SMIM13: variants seen among roughly 807,000 people sequenced by gnomAD.
The protein encoded by SMIM13 is UPF0766 protein C6orf228.
In SMIM13, 3 loss-of-function variants were observed where a neutral mutation model predicts 5.9. The observed-to-expected ratio is 0.51, with a 90% confidence interval of 0.23 to 1.31. The LOEUF is 1.31. Ranked by LOEUF, SMIM13 falls within the 40% of genes most tolerant of loss-of-function variation. The probability of loss-of-function intolerance (pLI) is 0.18; values close to 1 mark genes in which losing one functional copy is unlikely to be tolerated. For synonymous variants in SMIM13, 55 were observed against 46.0 expected (o/e 1.19, Z -0.79); for missense variants, 85 against 109.9 (o/e 0.77, Z 1.01).
chr6:11,113,419 C>T (rs752532110), intron 1 of SMIM13, among the ~76,000 whole-genome samples: 12 of 152,266 alleles, frequency 7.9e-5, no homozygotes, highest in East Asian at 1.9e-4. Flanking sequence ...TTTCTACCTT[C>T]TGTGTAAATC....
At chr6:11,097,736 T>C (rs1167397545) in intron 1 of SMIM13, among the ~76,000 whole-genome samples, 1 of 151,896 alleles carries the variant, frequency 6.6e-6, no homozygotes, top group African/African-American at 2.4e-5. Flanking sequence ...TTTCAACATA[T>C]GAATTTGGAT....
At chr6:11,123,412 C>G (rs1758336305) in intron 1 of SMIM13, among the ~76,000 whole-genome samples, 1 of 152,150 alleles carries the variant, frequency 6.6e-6, no homozygotes, top group Non-Finnish European at 1.5e-5. Context: ...AATTTTCTAA[C>G]TTGAACTAAA....
At chr6:11,127,313 T>C (rs1022037846) in intron 1 of SMIM13, among the ~76,000 whole-genome samples, 2 of 152,196 alleles carry the variant, frequency 1.3e-5, no homozygotes, top group Non-Finnish European at 2.9e-5. Context: ...CTACTGCAGC[T>C]AAGCTGGCAC....
chr6:11,101,070 G>A (rs2113639387), intron 1 of SMIM13, among the ~76,000 whole-genome samples: 1 of 145,968 alleles, frequency 6.9e-6, no homozygotes, highest in South Asian at 2.2e-4. Context: ...GAAACTTCTG[G>A]TAGTTGTATG....
intron 1 of SMIM13, among the ~76,000 whole-genome samples, chr6:11,121,181 A>G (rs1299337085): frequency 2.0e-5 from 3 of 152,206 alleles, no homozygotes; most frequent in East Asian, 1.9e-4. Flanking sequence ...AAAAACTGCA[A>G]AACCCATCTT....
chr6:11,095,552 G>A (rs1250643504), intron 1 of SMIM13, among the ~76,000 whole-genome samples: 1 of 152,074 alleles, frequency 6.6e-6, no homozygotes, highest in African/African-American at 2.4e-5. Flanking sequence ...GGGTTTAACC[G>A]TGTTGGTCAG....
In SMIM13 at chr6:11,135,431, A is replaced by T. The variant is rs1033333436; in HGVS notation, c.*829A>T. The T allele has an allele frequency of 2.0e-5, 3 of 152,610 alleles. No homozygotes were observed. The highest frequency in any genetic ancestry group is 2.9e-5 in the Non-Finnish European group (2 of 68,046). 9.5% of individuals were successfully genotyped at this position (152,610 alleles called of 1,614,324 possible). Reference sequence around the variant, plus strand: ...GAAGTTGCCAAAACCCTAGGAATTGATGAAACAAAATTCAAAGCCACAAGA... The same window carrying T: ...GAAGTTGCCAAAACCCTAGGAATTGTTGAAACAAAATTCAAAGCCACAAGA... On this transcript the variant is annotated 3_prime_UTR_variant, in exon 2 of 2. Coordinates refer to ENST00000416247, the MANE Select transcript of SMIM13 (RefSeq NM_001135575.2).
chr6:11,135,219 A>G lies in SMIM13; in HGVS notation c.*617A>G, dbSNP rs1758503911. The G allele has an allele frequency of 6.6e-6, 1 of 152,630 alleles. No homozygotes were observed. Among genetic ancestry groups the G allele is most frequent in the South Asian group, 2.1e-4 (1 of 4,836 alleles). The allele number at this position is 152,630 out of a possible 1,614,324, so 9.5% of individuals were successfully genotyped here. ...CAGGGCGTACATTTGATATTAGTGA[A>G]GCAAATATTCGTCGCTGGAGAAATG... On this transcript the variant is annotated 3_prime_UTR_variant, in exon 2 of 2. Transcript: ENST00000416247.
At chr6:11,119,891 C>G (rs938547495) in intron 1 of SMIM13, among the ~76,000 whole-genome samples, 2 of 152,260 alleles carry the variant, frequency 1.3e-5, no homozygotes, top group African/African-American at 4.8e-5. Context: ...TAACTTCTAG[C>G]ATTGCCTAGT....
chr6:11,114,268 G>A (rs1041267533), intron 1 of SMIM13, among the ~76,000 whole-genome samples: 20 of 152,052 alleles, frequency 1.3e-4, no homozygotes, highest in Admixed American at 1.3e-4. Flanking sequence ...GCAGTTGAAG[G>A]TAGTTTTACC....
At chr6:11,105,448 G>T in intron 1 of SMIM13, 1 of 646,652 alleles carries the variant, frequency 1.5e-6, no homozygotes, top group Non-Finnish European at 2.7e-6. Context: ...TTACTTTGAG[G>T]TGAAAGGATG....
chr6:11,129,766 T>C (rs928000691), intron 1 of SMIM13, among the ~76,000 whole-genome samples: 5 of 152,204 alleles, frequency 3.3e-5, no homozygotes, highest in Admixed American at 2.6e-4. Context: ...GTGTGATGCC[T>C]CCTAGTTGTT....
At chr6:11,121,427 A>C (rs1032127046) in intron 1 of SMIM13, among the ~76,000 whole-genome samples, 1 of 152,206 alleles carries the variant, frequency 6.6e-6, no homozygotes, top group Non-Finnish European at 1.5e-5. Flanking sequence ...TTTCAGAAGA[A>C]GGCTGCCTGG....
intron 1 of SMIM13, among the ~76,000 whole-genome samples, chr6:11,101,133 T>G (rs1336105983): frequency 6.6e-6 from 1 of 151,590 alleles, no homozygotes; most frequent in African/African-American, 2.4e-5. Flanking sequence ...CCTAATTCCC[T>G]CCTCCCCCTT....
chr6:11,127,422 T>C (rs1308683414), intron 1 of SMIM13, among the ~76,000 whole-genome samples: 1 of 152,228 alleles, frequency 6.6e-6, no homozygotes, highest in Non-Finnish European at 1.5e-5. Context: ...GGGACTACTG[T>C]CTTCCAGCCA....
At chr6:11,116,900 A>G (rs1275721729) in intron 1 of SMIM13, among the ~76,000 whole-genome samples, 2 of 148,728 alleles carry the variant, frequency 1.3e-5, no homozygotes, top group African/African-American at 2.5e-5. Context: ...TTCTTTTTCA[A>G]GTTTCTTATG....
Position 11,094,127 on chromosome 6 carries a change from TCCCACAGTGCCCGCCTTTGCGCCGC to T in SMIM13, c.-181_-157del, listed in dbSNP as rs1289919203. On this transcript the variant is annotated 5_prime_UTR_variant, in exon 1 of 2. Transcript: ENST00000416247. ...GGAAAAGGATCGGGCGGGCGGGCGG[TCCCACAGTGCCCGCCTTTGCGCCGC>T]CCCACCCCCTGGGGGCGCTGCCGAG... The T allele has an allele frequency of 1.3e-5, 2 of 154,034 alleles. No individual in the cohort carries two copies. Among genetic ancestry groups the T allele is most frequent in the Admixed American group, 6.6e-5 (1 of 15,258 alleles). The allele number at this position is 154,034 out of a possible 1,614,324, so 9.5% of individuals were successfully genotyped here.
chr6:11,103,463 A>C, intron 1 of SMIM13: 1 of 559,098 alleles, frequency 1.8e-6, no homozygotes, highest in Non-Finnish European at 2.9e-6. Flanking sequence ...CCCCCCCTCA[A>C]GAGTCCAAGA....
At chr6:11,114,425 T>G (rs546961744) in intron 1 of SMIM13, among the ~76,000 whole-genome samples, 8 of 152,126 alleles carry the variant, frequency 5.3e-5, no homozygotes, top group South Asian at 2.1e-4. Context: ...ATTAAATAAA[T>G]TATTAGCTGT....
Sources: gnomAD v4.1 joint callset for allele counts (sites outside exome capture counted in the v4.1 genomes callset) on GRCh38, gnomAD v4.1.1 for gene constraint, MANE v1.5 for transcripts, NCBI Gene and HGNC (gene_info 2026-07-23, HGNC 2026-07-21) for gene names.